RARB: variants seen among roughly 807,000 people sequenced by gnomAD.
The protein encoded by RARB is HBV-activated protein.
Under a neutral mutation model 51.9 loss-of-function variants are expected in RARB, and 17 were observed. That is an observed-to-expected ratio of 0.33 (90% CI 0.22 to 0.49). RARB has a LOEUF of 0.49. Among genes scored for constraint, RARB ranks in the 20% least tolerant of loss-of-function variants. The pLI is 0.99. For synonymous variants in RARB, 215 were observed against 195.4 expected (o/e 1.10, Z -0.84); for missense variants, 369 against 550.8 (o/e 0.67, Z 3.30).
chr3:25,360,360 A>T (rs1173956531), intron 5 of RARB, among the ~76,000 whole-genome samples: 1 of 152,038 alleles, frequency 6.6e-6, no homozygotes, highest in African/African-American at 2.4e-5. Context: ...TTTTGAGCCT[A>T]TGTGTGTCTC....
At chr3:25,274,093 A>G (rs1347372765) in intron 5 of RARB, among the ~76,000 whole-genome samples, 1 of 152,204 alleles carries the variant, frequency 6.6e-6, no homozygotes, top group African/African-American at 2.4e-5. Context: ...AGACATATAT[A>G]TAATTTAAAA....
At chr3:25,554,950 C>G (rs886868595) in intron 3 of RARB, among the ~76,000 whole-genome samples, 15 of 152,094 alleles carry the variant, frequency 9.9e-5, no homozygotes, top group African/African-American at 3.6e-4. Flanking sequence ...ATCCATTAAC[C>G]CATTAATTCA....
At chr3:25,258,137 A>T (rs531302265) in intron 5 of RARB, among the ~76,000 whole-genome samples, 1 of 152,266 alleles carries the variant, frequency 6.6e-6, no homozygotes, top group South Asian at 2.1e-4. Flanking sequence ...GCATGGTAGA[A>T]AGGATTGGGG....
At chr3:25,494,059 C>G (rs181982139) in intron 2 of RARB, among the ~76,000 whole-genome samples, 1 of 152,138 alleles carries the variant, frequency 6.6e-6, no homozygotes, top group African/African-American at 2.4e-5. Context: ...ATACCCAGAG[C>G]TCAATATCTA....
At chr3:25,063,700 G>C (rs1298891345) in intron 3 of RARB, among the ~76,000 whole-genome samples, 1 of 150,652 alleles carries the variant, frequency 6.6e-6, no homozygotes, top group African/African-American at 2.4e-5. Flanking sequence ...AGACCTTGTA[G>C]TTTGAGACTT....
chr3:25,166,429 C>T (rs1298566942), intron 4 of RARB, among the ~76,000 whole-genome samples: 1 of 151,418 alleles, frequency 6.6e-6, no homozygotes, highest in Non-Finnish European at 1.5e-5. Context: ...TACCTGGAAC[C>T]AATCTCTTAA....
chr3:25,352,869 C>T (rs1705618431), intron 5 of RARB, among the ~76,000 whole-genome samples: 1 of 152,190 alleles, frequency 6.6e-6, no homozygotes, highest in African/African-American at 2.4e-5. Flanking sequence ...AGATGTGACT[C>T]TGCAGCGTAT....
At chr3:25,507,541 A>T (rs1028279474) in intron 3 of RARB, among the ~76,000 whole-genome samples, 1 of 152,116 alleles carries the variant, frequency 6.6e-6, no homozygotes, top group Non-Finnish European at 1.5e-5. Flanking sequence ...TCCTCTTCCC[A>T]GTTCCCTCCC....
At chr3:25,228,577 G>C (rs777521961) in intron 5 of RARB, among the ~76,000 whole-genome samples, 2 of 151,696 alleles carry the variant, frequency 1.3e-5, no homozygotes, top group Non-Finnish European at 2.9e-5. Context: ...TTTAATCAGA[G>C]AGGAGTATTT....
chr3:25,242,824 G>GT (rs1363980374), intron 5 of RARB, among the ~76,000 whole-genome samples: 1 of 152,122 alleles, frequency 6.6e-6, no homozygotes, highest in Non-Finnish European at 1.5e-5. Context: ...ATTTAAAGAA[G>GT]TTTTTTCCAA....
Position 24,913,081 on chromosome 3 carries a change from T to C in RARB, c.-380+54329T>C, listed in dbSNP as rs187690327. On this transcript the variant is annotated intron_variant, in intron 2 of 11. Transcript: ENST00000383772. ...CTGCAAGCTCCGCCTCCCAGGTTCA[T>C]GCCATTCTCCTGCCTCAGCCTCCTG... Among the ~76,000 whole-genome samples, 248 of 148,456 alleles carry C rather than the reference T, an allele frequency of 1.7e-3. 1 individual carries two copies. The highest frequency in any genetic ancestry group is 3.0e-3 in the Admixed American group (44 of 14,630).
intron 5 of RARB, among the ~76,000 whole-genome samples, chr3:25,238,645 T>C (rs192632379): frequency 6.6e-6 from 1 of 152,324 alleles, no homozygotes; most frequent in East Asian, 1.9e-4. Context: ...AGAATTCTCT[T>C]TTCCCTGCAT....
intron 3 of RARB, among the ~76,000 whole-genome samples, chr3:25,534,167 G>A (rs1336794558): frequency 2.0e-5 from 3 of 152,138 alleles, no homozygotes; most frequent in Non-Finnish European, 4.4e-5. Flanking sequence ...ATAGACTTTG[G>A]AATCAGTCCA....
At chr3:25,235,347 G>A (rs764473877) in intron 5 of RARB, among the ~76,000 whole-genome samples, 3 of 151,946 alleles carry the variant, frequency 2.0e-5, no homozygotes, top group Non-Finnish European at 4.4e-5. Flanking sequence ...GCAAAATTTT[G>A]CTCAGAAGAA....
intron 5 of RARB, among the ~76,000 whole-genome samples, chr3:25,407,643 G>GCACA (rs368511175): frequency 2.0e-5 from 3 of 151,706 alleles, no homozygotes; most frequent in African/African-American, 7.3e-5. Flanking sequence ...ATGCATGCAC[G>GCACA]CACACACACA....
Position 25,450,241 on chromosome 3 carries a change from G to A in RARB, c.158-10952G>A, listed in dbSNP as rs116101772. On this transcript the variant is annotated intron_variant, in intron 1 of 7. Transcript: ENST00000330688. Reference sequence around the variant, plus strand: ...GTTTTCTGTGGTGACCATATTAGTCGCATTATTGATACGGACTTAATCCAC... The same window carrying A: ...GTTTTCTGTGGTGACCATATTAGTCACATTATTGATACGGACTTAATCCAC... 6.6e-3 allele frequency among the ~76,000 whole-genome samples: 1,007 copies of A among 152,192 alleles called. 9 individuals are homozygous for A. The highest frequency in any genetic ancestry group is 0.022 in the African/African-American group (924 of 41,532).
intron 2 of RARB, among the ~76,000 whole-genome samples, chr3:25,031,648 T>A (rs1697879173): frequency 6.6e-6 from 1 of 152,136 alleles, no homozygotes; most frequent in African/African-American, 2.4e-5. Flanking sequence ...ATCCCCCCTC[T>A]CTATCTAGCA....
chr3:25,057,674 C>T (rs910655919), intron 2 of RARB, among the ~76,000 whole-genome samples: 1 of 151,974 alleles, frequency 6.6e-6, no homozygotes, highest in African/African-American at 2.4e-5. Flanking sequence ...GTTTCAGTTT[C>T]TTGGCTTTTG....
chr3:24,889,192 C>T (rs1426178008), intron 2 of RARB, among the ~76,000 whole-genome samples: 1 of 152,120 alleles, frequency 6.6e-6, no homozygotes, highest in Non-Finnish European at 1.5e-5. Context: ...ACTTCCTTTG[C>T]TTTTGCTGCT....
Sources: allele counts gnomAD v4.1 joint callset (sites outside exome capture counted in the v4.1 genomes callset), GRCh38; gene constraint gnomAD v4.1.1; transcripts MANE v1.5; gene names NCBI Gene and HGNC (gene_info 2026-07-23, HGNC 2026-07-21).